The following HUWE1 variants were observed in gnomAD, a reference collection of about 807,000 sequenced individuals.
HUWE1 encodes the protein E3 ubiquitin-protein ligase HUWE1.
A neutral mutation model predicts 299.4 loss-of-function variants in HUWE1; 18 were observed. The ratio of observed to expected loss-of-function variants is 0.06; its 90% CI spans 0.04 to 0.09. HUWE1 has a LOEUF of 0.09. Ranked by LOEUF, HUWE1 falls within the 10% of genes least tolerant of loss-of-function variation. The pLI is 1.00. For missense variants in HUWE1, 1,832 were observed against 3,462.3 expected (o/e 0.53, Z 11.82); for synonymous variants, 1,317 against 1,286.1 (o/e 1.02, Z -0.51).
At chrX:53,537,049 T>C (rs782392457) in intron 78 of HUWE1, among the ~76,000 whole-genome samples, 4 of 111,875 alleles carry the variant, frequency 3.6e-5, no homozygotes, top group South Asian at 7.5e-4. Context: ...ATACAGTCTG[T>C]CTAGGGAGAC....
In HUWE1 at chrX:53,540,168, T is replaced by C. The variant is rs782695131; in HGVS notation, c.11477-356A>G. On this transcript the variant is annotated intron_variant, in intron 74 of 83. Transcript: ENST00000262854. ...AGGGTAATGTAACAACAGTGGAGCTTTGGATGGTTGCCTTCCAGTTTACAC... is the reference window on the plus strand; with the variant it reads ...AGGGTAATGTAACAACAGTGGAGCTCTGGATGGTTGCCTTCCAGTTTACAC... Among the ~76,000 whole-genome samples, 3 of 111,845 alleles carry C rather than the reference T, an allele frequency of 2.7e-5. No individual in the cohort carries two copies. In the South Asian group the frequency reaches 1.1e-3, roughly 42 times the overall value.
chrX:53,676,808 A>G (rs1255665814), intron 3 of HUWE1, among the ~76,000 whole-genome samples: 3 of 111,940 alleles, frequency 2.7e-5, no homozygotes. Context: ...TTATATATAC[A>G]CTTATATGTG....
chrX:53,567,352 G>A (rs1225858534), intron 49 of HUWE1, among the ~76,000 whole-genome samples: 1 of 77,111 alleles, frequency 1.3e-5, no homozygotes, highest in East Asian at 4.2e-4. Context: ...TAGTCATCTT[G>A]AAGGGGCCAC....
Position 53,536,950 on chromosome X carries a change from G to T in HUWE1, c.12138-283C>A, listed in dbSNP as rs2234475. Among the ~76,000 whole-genome samples, 183 of 112,297 alleles carry T rather than the reference G, an allele frequency of 1.6e-3. 2 individuals carry two copies. In the East Asian group the frequency reaches 0.042, roughly 26 times the overall value. ...GAAATAAATGAGGCCTTGCTTAGGT[G>T]AAGTGGGGAGGGGAGAAAAGTGGTA... On this transcript the variant is annotated intron_variant, in intron 78 of 83. Coordinates refer to ENST00000262854, the MANE Select transcript of HUWE1 (RefSeq NM_031407.7).
chrX:53,587,037 T>C, intron 37 of HUWE1, 128 bp from the exon 38 acceptor site: 1 of 744,633 alleles, frequency 1.3e-6, no homozygotes, highest in Non-Finnish European at 2.0e-6. Context: ...GTTCAAATTT[T>C]ACCTCTTACC....
At chrX:53,579,778 C>T (rs1556965056) in intron 43 of HUWE1, 1 of 99,945 alleles carries the variant, frequency 1.0e-5, no homozygotes, top group Non-Finnish European at 2.0e-5. Context: ...TCACCACTCC[C>T]TAATCTCAAG....
chrX:53,586,226 G>A (rs1234361488), intron 39 of HUWE1, among the ~76,000 whole-genome samples: 19 of 111,939 alleles, frequency 1.7e-4, no homozygotes, highest in Admixed American at 7.5e-4. Context: ...TCTAAGGAGT[G>A]TTTGCTTTTT....
chrX:53,662,728 T>C (rs2069065033), intron 3 of HUWE1, among the ~76,000 whole-genome samples: 1 of 111,823 alleles, frequency 8.9e-6, no homozygotes, highest in African/African-American at 3.3e-5. Flanking sequence ...CTTGAAGCCA[T>C]GGGTCTGGAG....
At chrX:53,682,473 G>A (rs1194083523) in intron 2 of HUWE1, among the ~76,000 whole-genome samples, 1 of 111,419 alleles carries the variant, frequency 9.0e-6, no homozygotes, top group Non-Finnish European at 1.9e-5. Context: ...AGAAACAAAT[G>A]ATAGGGAATT....
intron 54 of HUWE1, 74 bp from the exon 55 acceptor site, chrX:53,561,998 G>A: frequency 8.3e-7 from 1 of 1,211,122 alleles, no homozygotes; most frequent in East Asian, 3.0e-5. Context: ...GGCCACATGT[G>A]CACATGAGGG....
At chrX:53,578,282 C>T (rs1602781874) in intron 43 of HUWE1, among the ~76,000 whole-genome samples, 1 of 106,223 alleles carries the variant, frequency 9.4e-6, no homozygotes, top group African/African-American at 3.5e-5. Flanking sequence ...GGAGCCCCTC[C>T]GTCCGGCAGC....
chrX:53,559,120 C>T (rs1446478889), intron 57 of HUWE1, 60 bp from the exon 58 acceptor site: 6 of 976,453 alleles, frequency 6.1e-6, no homozygotes, highest in Admixed American at 2.6e-5. Context: ...ACTGATCCAC[C>T]GATCCAAAAA....
At position 53,548,946 on chromosome X, in the gene HUWE1, T is replaced by G; in HGVS notation, c.10035+13A>C. The G allele has an allele frequency of 1.7e-6, 2 of 1,184,100 alleles. No individual in the cohort carries two copies. Among genetic ancestry groups the G allele is most frequent in the Non-Finnish European group, 2.3e-6 (2 of 880,388 alleles). On this transcript the variant is annotated intron_variant, in intron 67 of 83. Transcript: ENST00000262854. ...CTTCTTCCATCCCCAGGAGTTGGGT[T>G]TGAAACCCTCACCTTGGCCAATTGA... is the stretch of plus-strand genomic sequence containing the variant.
Position 53,578,392 on chromosome X carries a change from C to A in HUWE1, c.5717-1325G>T, listed in dbSNP as rs1238519605. Among the ~76,000 whole-genome samples, 8 of 94,592 alleles carry A rather than the reference C, an allele frequency of 8.5e-5. No homozygotes were observed. In the East Asian group the frequency reaches 2.9e-3, roughly 34 times the overall value. The allele number at this position is 94,592 out of a possible 115,157, so 82.1% of individuals were successfully genotyped here. On this transcript the variant is annotated intron_variant, in intron 43 of 83. Transcript: ENST00000262854. ...CCCCCCGCCCGGCCAGCCGCCCCGT[C>A]CGGGAGGTGAGGGGCTCCTCTGCCC...
At chrX:53,677,262 G>C (rs1557051478) in intron 3 of HUWE1, among the ~76,000 whole-genome samples, 15 of 110,297 alleles carry the variant, frequency 1.4e-4, no homozygotes, top group Non-Finnish European at 2.8e-4. Flanking sequence ...GTGGGGACCA[G>C]CCAATCTTTT....
Position 53,625,891 on chromosome X carries a change from T to G in HUWE1, c.1490-633A>C, listed in dbSNP as rs11091285. The G allele has an allele frequency of 2.4e-4, 79 of 323,263 alleles. 1 individual carries two copies. The highest frequency in any genetic ancestry group is 7.4e-4 in the East Asian group (6 of 8,111). 26.6% of individuals were successfully genotyped at this position (323,263 alleles called of 1,213,427 possible). The stretch of plus-strand genomic sequence containing the variant: ...GGGCCGGGGCCGGGGCCAGGGCCGG[T>G]GCCGGGGCCGGGACTGGGACCAGGG... On this transcript the variant is annotated intron_variant, in intron 17 of 83. Coordinates refer to ENST00000262854, the MANE Select transcript of HUWE1 (RefSeq NM_031407.7).
intron 3 of HUWE1, among the ~76,000 whole-genome samples, chrX:53,674,302 G>T (rs930468737): frequency 9.0e-6 from 1 of 111,227 alleles, no homozygotes; most frequent in African/African-American, 3.3e-5. Context: ...TAAACATTGT[G>T]GTGGAATTAT....
At chrX:53,579,258 C>T (rs1201243467) in intron 43 of HUWE1, among the ~76,000 whole-genome samples, 57 of 84,399 alleles carry the variant, frequency 6.8e-4, no homozygotes, top group African/African-American at 2.5e-3. Flanking sequence ...CGCCTCTGCC[C>T]GGCCGCCCCT....
intron 8 of HUWE1, among the ~76,000 whole-genome samples, chrX:53,633,383 TC>T (rs1224999063): frequency 8.9e-5 from 10 of 112,371 alleles, no homozygotes; most frequent in Non-Finnish European, 1.9e-4. Flanking sequence ...AATTCCAAAC[TC>T]TGAATATACT....
Sources: gnomAD v4.1 joint callset for allele counts (sites outside exome capture counted in the v4.1 genomes callset) on GRCh38, gnomAD v4.1.1 for gene constraint, MANE v1.5 for transcripts, NCBI Gene and HGNC (gene_info 2026-07-23, HGNC 2026-07-21) for gene names.